The following ART3 variants were observed in gnomAD, a reference collection of about 807,000 sequenced individuals.
ART3 encodes the protein ADP-ribosyltransferase 3 (inactive), also known as ecto-ADP-ribosyltransferase 3.
A neutral mutation model predicts 48.5 loss-of-function variants in ART3; 49 were observed. The observed-to-expected ratio is 1.01, with a 90% CI of 0.80 to 1.28. The LOEUF (loss-of-function observed/expected upper bound fraction) is 1.28. Among genes scored for constraint, ART3 ranks in the 50% most tolerant of loss-of-function variants. The pLI is 0.00. For missense variants in ART3, 438 were observed against 454.3 expected (o/e 0.96, Z 0.33); for synonymous variants, 145 against 157.2 (o/e 0.92, Z 0.58).
intron 10 of ART3, chr4:76,106,475 A>T: frequency 4.0e-6 from 2 of 496,662 alleles, no homozygotes; most frequent in Non-Finnish European, 5.2e-6. Flanking sequence ...TTACAGACTA[A>T]GAGTTTTTAA....
intron 1 of ART3, chr4:76,041,234 G>A (rs1734945098): frequency 6.6e-6 from 1 of 152,202 alleles, no homozygotes; most frequent in Non-Finnish European, 1.5e-5. Context: ...ATTGTGACTT[G>A]TTCTGGCTCT....
At chr4:76,021,927 G>A in intron 1 of ART3, 1 of 1,611,670 alleles carries the variant, frequency 6.2e-7, no homozygotes, top group East Asian at 2.2e-5. Context: ...CTCCCCTCTG[G>A]TTTTAAGGAG....
chr4:76,057,706 G>T (rs1261110668), intron 1 of ART3, among the ~76,000 whole-genome samples: 2 of 152,124 alleles, frequency 1.3e-5, no homozygotes, highest in African/African-American at 4.8e-5. Context: ...GCTGTGAATT[G>T]GTCACATAGC....
chr4:76,025,923 G>A (rs544072819), intron 1 of ART3, among the ~76,000 whole-genome samples: 2 of 152,116 alleles, frequency 1.3e-5, no homozygotes, highest in East Asian at 3.9e-4. Flanking sequence ...AGTGGAACAT[G>A]ATCACTTACT....
chr4:76,101,988 G>A (rs557783199), intron 8 of ART3, among the ~76,000 whole-genome samples: 23 of 152,300 alleles, frequency 1.5e-4, no homozygotes, highest in African/African-American at 4.6e-4. Flanking sequence ...CAGTGTTATG[G>A]TAGTGTCAAA....
chr4:76,100,325 G>T lies in ART3; in HGVS notation c.877+5G>T. 6.2e-7 allele frequency: 1 copy of T among 1,612,344 alleles called. No individual in the cohort carries two copies. Among genetic ancestry groups the T allele is most frequent in the Non-Finnish European group, 8.5e-7 (1 of 1,178,974 alleles). On this transcript the variant is annotated splice_donor_5th_base_variant and intron_variant, in intron 6 of 11. Coordinates refer to ENST00000355810, the MANE Select transcript of ART3 (RefSeq NM_001130016.3). ...ACCAGAAGCTTGAAGACCATAGTAA[G>T]ACATTTTTATAAATTCTGGGGGCTT... is the stretch of plus-strand genomic sequence containing the variant.
rs929222684 is a variant in ART3 at position 76,082,431 on chromosome 4, C to T, written c.677C>T (p.Pro226Leu). The T allele has an allele frequency of 1.2e-6, 2 of 1,613,782 alleles. No individual in the cohort carries two copies. The highest frequency in any genetic ancestry group is 1.7e-5 in the Admixed American group (1 of 60,022). Residue 226 changes from proline to leucine, a missense_variant, in exon 3 of 12, where the codon CCT (proline) becomes CTT (leucine). By Grantham distance (98) the Pro-to-Leu change is moderately conservative. Transcript: ENST00000355810. Reference protein sequence around the residue: ...DKESERITLIPLNEVFQVSQE... With the variant: ...DKESERITLILLNEVFQVSQE... Reference sequence around the variant, plus strand: ...GAAAGTGAAAGAATTACTTTAATACCTCTGAATGAGGTTTTTCAAGTGTCA... The same window carrying T: ...GAAAGTGAAAGAATTACTTTAATACTTCTGAATGAGGTTTTTCAAGTGTCA...
At chr4:76,070,557 T>G (rs1720211558), upstream of ART3, among the ~76,000 whole-genome samples, 1 of 152,216 alleles carries the variant, frequency 6.6e-6, no homozygotes, top group Admixed American at 6.5e-5. Flanking sequence ...AGCTACAGTC[T>G]TTATTCAATC....
intron 6 of ART3, 99 bp downstream of exon 6, chr4:76,100,419 T>G: frequency 8.2e-7 from 1 of 1,215,782 alleles, no homozygotes. Context: ...GATCATGAGG[T>G]CAGGAGATTG....
At position 76,081,849 on chromosome 4, in the gene ART3, C is replaced by T; in HGVS notation, c.95C>T (p.Ala32Val). Residue 32 changes from alanine to valine, a missense_variant, in exon 3 of 12, where the codon GCA (alanine) becomes GTA (valine). Around this residue, in one of 3 missense-constraint regions of ART3, gnomAD observed 206 missense variants for 205.3 expected, o/e 1.00. Transcript: ENST00000355810. ...GTGAAGGCTGAAGTGTTAGACATGG[C>T]AGATAATGCATTTGATGATGAATAC... is the stretch of plus-strand genomic sequence containing the variant. ...FQVKAEVLDM[A>V]DNAFDDEYLK... is the part of the protein sequence containing the mutation. 2.5e-6 allele frequency: 4 copies of T among 1,613,798 alleles called. No homozygotes were observed. Among genetic ancestry groups the T allele is most frequent in the Non-Finnish European group, 3.4e-6 (4 of 1,179,802 alleles).
intron 11 of ART3, 116 bp from the exon 12 acceptor site, chr4:76,112,270 G>T (rs1344654842): frequency 1.6e-6 from 2 of 1,280,648 alleles, no homozygotes; most frequent in Non-Finnish European, 1.1e-6. Context: ...AGTATTTCAG[G>T]TAAGTTTCTA....
At chr4:76,034,470 AG>A in intron 1 of ART3, 1 of 515,348 alleles carries the variant, frequency 1.9e-6, no homozygotes, top group Non-Finnish European at 3.3e-6. Context: ...TAATGCAACA[AG>A]TAAGAACGTG....
At chr4:76,052,052 C>A (rs1304643438) in intron 1 of ART3, among the ~76,000 whole-genome samples, 1 of 151,802 alleles carries the variant, frequency 6.6e-6, no homozygotes. Context: ...GGATTACGGT[C>A]GCCTGCCACC....
At chr4:76,060,812 G>A (rs1338505016) in intron 1 of ART3, among the ~76,000 whole-genome samples, 1 of 152,194 alleles carries the variant, frequency 6.6e-6, no homozygotes, top group Non-Finnish European at 1.5e-5. Context: ...ACCAAGGAAT[G>A]TGGGTGGCCT....
In ART3 at chr4:76,104,086, C is replaced by T. The variant is rs1390135799; in HGVS notation, c.970+117C>T. On this transcript the variant is annotated intron_variant, in intron 9 of 11. Transcript: ENST00000355810. ...TCATGAATATTTCCCTTATAGCTAC[C>T]TGCCAGTCATCTACAAATATTTAGC... 3.5e-6 allele frequency: 4 copies of T among 1,143,008 alleles called. No individual in the cohort carries two copies. The African/African-American group carries it at 4.7e-5, about 13-fold the overall frequency. 70.8% of individuals were successfully genotyped at this position (1,143,008 alleles called of 1,614,324 possible).
rs759421750 is a variant in ART3, at chr4:76,100,336, A to G, written c.877+16A>G. On this transcript the variant is annotated intron_variant, in intron 6 of 11. Transcript: ENST00000355810. ...GAAGACCATAGTAAGACATTTTTAT[A>G]AATTCTGGGGGCTTGGCCAGGCGTG... 16 of 1,611,008 alleles carry G rather than the reference A, an allele frequency of 9.9e-6. No individual in the cohort carries two copies. Among genetic ancestry groups the G allele is most frequent in the Admixed American group, 8.4e-5 (5 of 59,870 alleles).
chr4:76,065,545 A>T (rs1223526960), intron 1 of ART3, among the ~76,000 whole-genome samples: 1 of 134,734 alleles, frequency 7.4e-6, no homozygotes, highest in African/African-American at 2.9e-5. Context: ...CTCTGATATA[A>T]CCCTCCAACA....
At chr4:76,090,645 G>A (rs1331737234) in intron 3 of ART3, among the ~76,000 whole-genome samples, 2 of 152,134 alleles carry the variant, frequency 1.3e-5, no homozygotes, top group Admixed American at 1.3e-4. Flanking sequence ...GGGATGTGGA[G>A]GGCTTCTTTT....
At position 76,075,991 on chromosome 4, in the gene ART3, G is replaced by A. The variant is rs188435528; in HGVS notation, c.69+33G>A. On this transcript the variant is annotated intron_variant, in intron 2 of 11. Coordinates refer to ENST00000355810, the MANE Select transcript of ART3 (RefSeq NM_001130016.3). ...TGGGAATGGGAAGCATGTGGTCATT[G>A]GAATGGAAATTCGTTTTTTTTTTTT... 395 of 1,501,100 alleles carry A rather than the reference G, an allele frequency of 2.6e-4. 2 individuals are homozygous for A. The African/African-American group carries it at 5.2e-3, about 20-fold the overall frequency. The allele number at this position is 1,501,100 out of a possible 1,614,324, so 93.0% of individuals were successfully genotyped here. A position where few individuals can be genotyped will look rare whatever the true frequency, so the allele number is the denominator to read the frequency against.
Sources: gnomAD v4.1 joint callset for allele counts (sites outside exome capture counted in the v4.1 genomes callset) on GRCh38, gnomAD v4.1.1 for gene constraint, gnomAD v4.1.1 regional missense constraint, MANE v1.5 for transcripts, NCBI Gene and HGNC (gene_info 2026-07-23, HGNC 2026-07-21) for gene names.